VKORC1L1: variants seen among roughly 807,000 people sequenced by gnomAD.
The protein encoded by VKORC1L1 is vitamin K epoxide reductase complex subunit 1L1, also known as vitamin K epoxide reductase complex subunit 1-like protein 1.
Under a neutral mutation model 18.9 loss-of-function variants are expected in VKORC1L1, and 2 were observed. That is an observed-to-expected ratio of 0.11 (90% confidence interval 0.04 to 0.33). VKORC1L1 has a LOEUF of 0.33. VKORC1L1 is among the 10% of genes least tolerant of loss of function. The probability of loss-of-function intolerance (pLI) is 1.00; values close to 1 mark genes in which losing one functional copy is unlikely to be tolerated. For missense variants in VKORC1L1, 123 were observed against 224.1 expected (o/e 0.55, Z 2.88); for synonymous variants, 96 against 100.0 (o/e 0.96, Z 0.24).
At chr7:65,871,778 C>T (rs1353367204), upstream of VKORC1L1, among the ~76,000 whole-genome samples, 3 of 152,092 alleles carry the variant, frequency 2.0e-5, no homozygotes, top group Admixed American at 6.6e-5. Context: ...GAGAGAGCTG[C>T]AGCCCTGGCT....
intron 1 of VKORC1L1, among the ~76,000 whole-genome samples, chr7:65,944,279 GTCTC>G: frequency 6.6e-6 from 1 of 152,286 alleles, no homozygotes; most frequent in East Asian, 1.9e-4. Context: ...TGACACAGGA[GTCTC>G]ACTTGAACCC....
intron 1 of VKORC1L1, among the ~76,000 whole-genome samples, chr7:65,939,864 A>G (rs774682174): frequency 2.0e-5 from 3 of 152,184 alleles, no homozygotes; most frequent in Non-Finnish European, 4.4e-5. Flanking sequence ...ATAACAGGGC[A>G]TTTTAGTTTC....
In VKORC1L1 at chr7:65,951,101, A is replaced by AT. The variant is rs1452877987; in HGVS notation, c.304+2327dup. ...TTATCACATGTGTTTTTTCATTCGC[A>AT]TTTTTTGACTCGCATTTAGATGCTT... is the stretch of plus-strand genomic sequence containing the variant. On this transcript the variant is annotated intron_variant, in intron 2 of 2. Transcript: ENST00000360768. 3.9e-5 allele frequency among the ~76,000 whole-genome samples: 6 copies of AT among 152,148 alleles called. No individual in the cohort carries two copies. In the East Asian group the frequency reaches 9.6e-4, roughly 24 times the overall value.
chr7:65,914,136 G>GA (rs1188850186), intron 1 of VKORC1L1, among the ~76,000 whole-genome samples: 7 of 151,932 alleles, frequency 4.6e-5, no homozygotes, highest in African/African-American at 1.7e-4. Flanking sequence ...TTAATTTTTT[G>GA]AGGCAGGGTC....
At chr7:65,907,449 T>TA (rs749312914) in intron 1 of VKORC1L1, among the ~76,000 whole-genome samples, 2 of 151,994 alleles carry the variant, frequency 1.3e-5, no homozygotes, top group Non-Finnish European at 2.9e-5. Flanking sequence ...ATAAATAAAA[T>TA]AAATAAATGG....
At chr7:65,939,571 A>G (rs1562654180) in intron 1 of VKORC1L1, among the ~76,000 whole-genome samples, 1 of 152,224 alleles carries the variant, frequency 6.6e-6, no homozygotes, top group African/African-American at 2.4e-5. Flanking sequence ...TCTGGCCCCT[A>G]TGGTGGTGGA....
intron 1 of VKORC1L1, among the ~76,000 whole-genome samples, chr7:65,907,697 C>G (rs181665549): frequency 6.6e-6 from 1 of 152,106 alleles, no homozygotes; most frequent in Non-Finnish European, 1.5e-5. Flanking sequence ...TTAATACTTT[C>G]TCTGTGACTA....
chr7:65,874,588 A>G (rs1788794362), intron 1 of VKORC1L1, among the ~76,000 whole-genome samples: 2 of 151,858 alleles, frequency 1.3e-5, no homozygotes, highest in Admixed American at 1.3e-4. Context: ...CGGGTGGATC[A>G]TGAGGTCAGG....
the VKORC1L1 span, among the ~76,000 whole-genome samples, chr7:65,868,011 T>C: frequency 1.3e-5 from 2 of 152,224 alleles, no homozygotes; most frequent in Non-Finnish European, 2.9e-5. Flanking sequence ...CATGCCCAGC[T>C]AATTTTTGCA....
At chr7:65,909,368 C>T (rs758845193) in intron 1 of VKORC1L1, among the ~76,000 whole-genome samples, 2 of 151,862 alleles carry the variant, frequency 1.3e-5, no homozygotes, top group Admixed American at 6.6e-5. Context: ...ACCATTGTTA[C>T]CGAGATGTCG....
chr7:65,895,453 GAAAAAAAAAAA>G (rs1167891625), intron 1 of VKORC1L1, among the ~76,000 whole-genome samples: 45 of 26,656 alleles, frequency 1.7e-3, no homozygotes, highest in East Asian at 0.013. Flanking sequence ...CCATCTGTGA[GAAAAAAAAAAA>G]AAAAAAAAAA....
chr7:65,933,387 T>A (rs1789890068), intron 1 of VKORC1L1, among the ~76,000 whole-genome samples: 1 of 152,210 alleles, frequency 6.6e-6, no homozygotes, highest in Non-Finnish European at 1.5e-5. Flanking sequence ...GTCTCTTTCT[T>A]CTCTGGTAAG....
intron 1 of VKORC1L1, among the ~76,000 whole-genome samples, chr7:65,934,915 G>A (rs1036534474): frequency 5.3e-5 from 8 of 151,920 alleles, no homozygotes; most frequent in Non-Finnish European, 7.4e-5. Context: ...TTAGCCGGGC[G>A]TGGTGGTGGG....
At chr7:65,869,255 A>C (rs887282160), upstream of VKORC1L1, among the ~76,000 whole-genome samples, 17 of 152,208 alleles carry the variant, frequency 1.1e-4, no homozygotes, top group South Asian at 1.7e-3. Context: ...TGGAGGTTGC[A>C]GTGAGTCAAG....
chr7:65,873,114 C>G lies in VKORC1L1; in HGVS notation c.-258C>G, dbSNP rs1286278302. ...ATCCGGCCTCTTCGGCCGTTGCGCA[C>G]TCCACCCCCTCCCTCCGCGCCCGCG... On this transcript the variant is annotated 5_prime_UTR_variant, in exon 1 of 3. Transcript: ENST00000360768. 6.7e-6 allele frequency among the ~76,000 whole-genome samples: 1 copy of G among 149,602 alleles called. No homozygotes were observed. The highest frequency in any genetic ancestry group is 2.4e-5 in the African/African-American group (1 of 41,030).
chr7:65,910,470 C>G lies in VKORC1L1; in HGVS notation c.194+36905C>G, dbSNP rs113890093. ...TTTCTTGTCATTGCAGCTGTGCTAT[C>G]AGAACATTCTTGTATACAAAATTCC... On this transcript the variant is annotated intron_variant, in intron 1 of 2. Coordinates refer to ENST00000360768, the MANE Select transcript of VKORC1L1 (RefSeq NM_173517.6). 2.8e-4 allele frequency among the ~76,000 whole-genome samples: 43 copies of G among 152,314 alleles called. 1 individual carries two copies. The highest frequency in any genetic ancestry group is 1.0e-3 in the African/African-American group (42 of 41,560).
intron 1 of VKORC1L1, among the ~76,000 whole-genome samples, chr7:65,915,531 C>A (rs1221018757): frequency 6.6e-6 from 1 of 151,854 alleles, no homozygotes; most frequent in Non-Finnish European, 1.5e-5. Context: ...CTGCCTCAGT[C>A]TCCCAAGTAG....
At position 65,909,690 on chromosome 7, in the gene VKORC1L1, T is replaced by TGTGTGTGTGTGTGTG. The variant is rs1789468369; in HGVS notation, c.194+36125_194+36126insGTGTGTGTGTGTGTG. On this transcript the variant is annotated intron_variant, in intron 1 of 2. Transcript: ENST00000360768. ...AAGCTTCTAACTTTTGTTTTAGCCT[T>TGTGTGTGTGTGTGTG]TGTGTGTGTGTGTGTGTGTGTGTGT... Among the ~76,000 whole-genome samples, 169 of 123,840 alleles carry TGTGTGTGTGTGTGTG rather than the reference T, an allele frequency of 1.4e-3. 2 individuals are homozygous for TGTGTGTGTGTGTGTG. The highest frequency in any genetic ancestry group is 5.1e-3 in the African/African-American group (162 of 31,744). The allele number at this position is 123,840 out of a possible 152,430, so 81.2% of individuals were successfully genotyped here.
intron 1 of VKORC1L1, among the ~76,000 whole-genome samples, chr7:65,925,697 A>G (rs1265285380): frequency 1.3e-5 from 2 of 152,180 alleles, no homozygotes; most frequent in Admixed American, 6.5e-5. Flanking sequence ...CCTATTGCTT[A>G]TTATATAGGA....
Sources: gnomAD v4.1 joint callset for allele counts (sites outside exome capture counted in the v4.1 genomes callset) on GRCh38, gnomAD v4.1.1 for gene constraint, MANE v1.5 for transcripts, NCBI Gene and HGNC (gene_info 2026-07-23, HGNC 2026-07-21) for gene names.